The following SEZ6L variants were observed in gnomAD, a reference collection of about 807,000 sequenced individuals.
SEZ6L encodes the protein seizure 6-like protein.
Under a neutral mutation model 106.2 loss-of-function variants are expected in SEZ6L, and 37 were observed. That is an observed-to-expected ratio of 0.35 (90% CI 0.27 to 0.46). The LOEUF (loss-of-function observed/expected upper bound fraction) is 0.46. Ranked by LOEUF, SEZ6L falls within the 20% of genes least tolerant of loss-of-function variation. SEZ6L has a pLI of 1.00. For missense variants in SEZ6L, 1,172 were observed against 1,332.8 expected (o/e 0.88, Z 1.88); for synonymous variants, 541 against 570.4 (o/e 0.95, Z 0.73).
intron 1 of SEZ6L, among the ~76,000 whole-genome samples, chr22:26,240,067 GACACACACACACACACACACACACTCAC>G (rs1364785404): frequency 4.4e-5 from 6 of 136,010 alleles, no homozygotes; most frequent in South Asian, 2.5e-4. Context: ...CACACATACA[GACACACACACACACACACACACACTCAC>G]ACACACACAC....
intron 1 of SEZ6L, among the ~76,000 whole-genome samples, chr22:26,266,456 C>G (rs192558061): frequency 0.016 from 2,353 of 151,044 alleles, 63 homozygotes; most frequent in African/African-American, 0.053. Flanking sequence ...GCCTGTAGTC[C>G]CAGCTACTCG....
intron 1 of SEZ6L, among the ~76,000 whole-genome samples, chr22:26,185,647 A>T (rs1416138602): frequency 1.3e-5 from 2 of 152,156 alleles, no homozygotes; most frequent in Non-Finnish European, 2.9e-5. Context: ...ATGACCTTTT[A>T]TGATTCCTTT....
chr22:26,300,870 T>G (rs942581609), intron 5 of SEZ6L, among the ~76,000 whole-genome samples: 3 of 152,274 alleles, frequency 2.0e-5, no homozygotes, highest in African/African-American at 7.2e-5. Flanking sequence ...CACTAGACCC[T>G]TATCAGATAA....
chr22:26,340,072 T>G (rs1046454035), intron 9 of SEZ6L, among the ~76,000 whole-genome samples: 10 of 151,964 alleles, frequency 6.6e-5, no homozygotes, highest in African/African-American at 2.4e-4. Context: ...CCATCTCTAC[T>G]AAATACAAAA....
Position 26,294,107 on chromosome 22 carries a change from A to G in SEZ6L, c.836-185A>G, listed in dbSNP as rs142454886. On this transcript the variant is annotated intron_variant, in intron 2 of 16. Transcript: ENST00000248933. ...GCCTAGCAGGATATAGTAAGTGATC[A>G]TTCTGTGTCAATTATTGCTATTTTT... 2.9e-3 allele frequency among the ~76,000 whole-genome samples: 436 copies of G among 152,340 alleles called. 2 individuals carry two copies. The highest frequency in any genetic ancestry group is 0.01 in the African/African-American group (424 of 41,572).
At chr22:26,212,935 G>A (rs996411245) in intron 1 of SEZ6L, among the ~76,000 whole-genome samples, 1 of 152,174 alleles carries the variant, frequency 6.6e-6, no homozygotes. Flanking sequence ...TGGGATGGGG[G>A]TTGGCAAAAA....
At chr22:26,223,303 G>A (rs927896625) in intron 1 of SEZ6L, among the ~76,000 whole-genome samples, 4 of 152,154 alleles carry the variant, frequency 2.6e-5, no homozygotes, top group African/African-American at 9.7e-5. Context: ...TCCAAGTCCA[G>A]GTAGGTCTCA....
chr22:26,256,487 C>T (rs79254076), intron 1 of SEZ6L, among the ~76,000 whole-genome samples: 19,083 of 152,252 alleles, frequency 0.13, 1,599 homozygotes, highest in East Asian at 0.35. Flanking sequence ...CAGAAGTTCT[C>T]GGCCTTGTCT....
At chr22:26,189,658 G>A (rs887111094) in intron 1 of SEZ6L, among the ~76,000 whole-genome samples, 5 of 152,124 alleles carry the variant, frequency 3.3e-5, no homozygotes, top group African/African-American at 1.2e-4. Context: ...GAGATGATGT[G>A]CATAAGTTGT....
At chr22:26,345,501 C>T (rs751146241) in intron 10 of SEZ6L, among the ~76,000 whole-genome samples, 1 of 152,192 alleles carries the variant, frequency 6.6e-6, no homozygotes, top group African/African-American at 2.4e-5. Context: ...CCCCTTTCAT[C>T]CATAGTCTGA....
intron 10 of SEZ6L, among the ~76,000 whole-genome samples, 163 bp downstream of exon 10, chr22:26,340,795 A>G (rs1198729561): frequency 6.6e-6 from 1 of 152,226 alleles, no homozygotes; most frequent in Non-Finnish European, 1.5e-5. Flanking sequence ...TCTAGTCATG[A>G]GGACCAGGGT....
intron 1 of SEZ6L, among the ~76,000 whole-genome samples, chr22:26,275,216 G>A (rs983167432): frequency 3.3e-5 from 5 of 152,036 alleles, no homozygotes; most frequent in Admixed American, 2.0e-4. Context: ...AATTTACAAC[G>A]TTGCAAAAGA....
Position 26,228,986 on chromosome 22 carries a change from A to G in SEZ6L, c.94+59223A>G, listed in dbSNP as rs60978598. 5.4e-3 allele frequency among the ~76,000 whole-genome samples: 824 copies of G among 152,234 alleles called. 8 individuals carry two copies. The highest frequency in any genetic ancestry group is 0.019 in the African/African-American group (792 of 41,526). On this transcript the variant is annotated intron_variant, in intron 1 of 16. Coordinates refer to ENST00000248933, the MANE Select transcript of SEZ6L (RefSeq NM_021115.5). ...TGGTTTCATGGATGTATGTATGTCA[A>G]ATTGTATTAAACTGTACTTTGTGTT...
intron 1 of SEZ6L, among the ~76,000 whole-genome samples, chr22:26,276,605 C>T (rs1213329751): frequency 6.6e-6 from 1 of 152,244 alleles, no homozygotes; most frequent in Non-Finnish European, 1.5e-5. Context: ...CGATTTCCCA[C>T]CCTGAGCTTC....
chr22:26,204,231 G>A (rs1204739403), intron 1 of SEZ6L, among the ~76,000 whole-genome samples: 1 of 152,130 alleles, frequency 6.6e-6, no homozygotes, highest in East Asian at 1.9e-4. Context: ...ATACAGACAT[G>A]GTCCCTCTTG....
rs144838560 is a variant in SEZ6L, at chr22:26,347,863, C to T, written c.2357C>T (p.Thr786Ile). The T allele has an allele frequency of 1.5e-4, 236 of 1,595,424 alleles. No individual in the cohort carries two copies. The highest frequency in any genetic ancestry group is 1.8e-4 in the Non-Finnish European group (206 of 1,174,242). ...GACATCGTGGGGAGTGACACCCTCA[C>T]CTGCCAGTGGGACCTCAGCTGGAGC... The part of the protein sequence containing the change: ...GYDIVGSDTL[T>I]CQWDLSWSSD... The change falls in exon 11 of 17, where the codon ACC becomes ATC. Residue 786 changes from threonine to isoleucine, a missense_variant. Physicochemically the swap from Thr to Ile is moderately conservative, Grantham distance 89 (BLOSUM62 -1). Transcript: ENST00000248933.
At chr22:26,205,990 C>T (rs1006231033) in intron 1 of SEZ6L, among the ~76,000 whole-genome samples, 3 of 152,136 alleles carry the variant, frequency 2.0e-5, no homozygotes, top group African/African-American at 7.2e-5. Context: ...CCTCCTGTTA[C>T]AGTGATCTTC....
intron 1 of SEZ6L, among the ~76,000 whole-genome samples, chr22:26,256,408 G>A (rs546617439): frequency 2.0e-5 from 3 of 152,174 alleles, no homozygotes; most frequent in African/African-American, 4.8e-5. Flanking sequence ...TGGCCAAAAG[G>A]CTCTTTCCAA....
intron 1 of SEZ6L, among the ~76,000 whole-genome samples, chr22:26,178,652 AG>A (rs1432351679): frequency 2.0e-5 from 3 of 152,170 alleles, no homozygotes; most frequent in Non-Finnish European, 2.9e-5. Flanking sequence ...AGTTTAGCTT[AG>A]TGTCATAAAT....
Sources: allele counts gnomAD v4.1 joint callset (sites outside exome capture counted in the v4.1 genomes callset), GRCh38; gene constraint gnomAD v4.1.1; transcripts MANE v1.5; gene names NCBI Gene and HGNC (gene_info 2026-07-23, HGNC 2026-07-21).